KIAA0825: variants seen among roughly 807,000 people sequenced by gnomAD.
The protein encoded by KIAA0825 is uncharacterized protein KIAA0825.
In KIAA0825, 119 loss-of-function variants were observed where a neutral mutation model predicts 147.6. The observed-to-expected ratio is 0.81, with a 90% CI of 0.69 to 0.94. The LOEUF is 0.94. Ranked by LOEUF, KIAA0825 falls within the 40% of genes least tolerant of loss-of-function variation. The pLI is 0.00. For missense variants in KIAA0825, 1,381 were observed against 1,472.7 expected (o/e 0.94, Z 1.02); for synonymous variants, 470 against 518.1 (o/e 0.91, Z 1.26).
At chr5:94,472,055 G>A (rs1281751351) in intron 8 of KIAA0825, among the ~76,000 whole-genome samples, 1 of 152,036 alleles carries the variant, frequency 6.6e-6, no homozygotes, top group Non-Finnish European at 1.5e-5. Context: ...CCTTGATATT[G>A]TATAATATCA....
intron 3 of KIAA0825, among the ~76,000 whole-genome samples, chr5:94,535,442 G>A (rs868068414): frequency 4.0e-5 from 6 of 149,208 alleles, no homozygotes; most frequent in Admixed American, 1.3e-4. Context: ...CCAGGCAGGC[G>A]GAGGTTGCAG....
At chr5:94,193,209 T>G (rs978930033) in intron 20 of KIAA0825, among the ~76,000 whole-genome samples, 6 of 152,148 alleles carry the variant, frequency 3.9e-5, no homozygotes, top group Non-Finnish European at 8.8e-5. Context: ...GCACCTACCA[T>G]GAGGGCGTGC....
intron 20 of KIAA0825, among the ~76,000 whole-genome samples, chr5:94,184,336 C>T (rs570353847): frequency 1.3e-5 from 2 of 152,064 alleles, no homozygotes; most frequent in Admixed American, 1.3e-4. Flanking sequence ...TATTATTATC[C>T]CCATTTTTAC....
chr5:94,493,558 G>A (rs1321921114), intron 5 of KIAA0825, among the ~76,000 whole-genome samples: 1 of 152,122 alleles, frequency 6.6e-6, no homozygotes, highest in East Asian at 1.9e-4. Flanking sequence ...CGCAATCTCA[G>A]CTCACTGCAA....
intron 2 of KIAA0825, chr5:94,570,316 T>A (rs1223597165): frequency 6.5e-6 from 1 of 153,774 alleles, no homozygotes; most frequent in Admixed American, 6.5e-5. Flanking sequence ...ACACCCTGAC[T>A]AACCCCCTAA....
At chr5:94,564,891 CTCTTT>C (rs1054873093) in intron 2 of KIAA0825, among the ~76,000 whole-genome samples, 11 of 151,980 alleles carry the variant, frequency 7.2e-5, no homozygotes, top group South Asian at 4.2e-4. Flanking sequence ...CTTTTATTTT[CTCTTT>C]TCTTTTCTTT....
chr5:94,449,378 G>C (rs536259221), intron 13 of KIAA0825, among the ~76,000 whole-genome samples: 1 of 152,238 alleles, frequency 6.6e-6, no homozygotes, highest in East Asian at 1.9e-4. Flanking sequence ...AATGGACTAA[G>C]GTTGTTATAA....
intron 20 of KIAA0825, among the ~76,000 whole-genome samples, chr5:94,378,674 A>G (rs1038545660): frequency 1.4e-4 from 22 of 152,256 alleles, no homozygotes; most frequent in African/African-American, 4.8e-4. Flanking sequence ...TCTTTGAGAA[A>G]GTGCTACACT....
rs1583869238 is a variant in KIAA0825, at chr5:94,213,577, A to G, written c.3711-59453T>C. Among the ~76,000 whole-genome samples, 5 of 152,132 alleles carry G rather than the reference A, an allele frequency of 3.3e-5. No individual in the cohort carries two copies. The South Asian group carries it at 1.0e-3, about 32-fold the overall frequency. On this transcript the variant is annotated intron_variant, in intron 20 of 20. Transcript: ENST00000682413. Reference sequence around the variant, plus strand: ...GAACAGCCCACAAAAGGCCTTTATGATGGGACCCAGACTCTCATCTTTTAT... The same window carrying G: ...GAACAGCCCACAAAAGGCCTTTATGGTGGGACCCAGACTCTCATCTTTTAT...
intron 20 of KIAA0825, among the ~76,000 whole-genome samples, chr5:94,315,005 G>T (rs534382519): frequency 5.3e-5 from 8 of 151,512 alleles, no homozygotes; most frequent in African/African-American, 1.7e-4. Flanking sequence ...CAGACAAATA[G>T]GACTGTTGCC....
rs1010402319 is a variant in KIAA0825, at chr5:94,564,046, A to G, written c.-2+18387T>C. On this transcript the variant is annotated intron_variant, in intron 2 of 20. Coordinates refer to ENST00000682413, the MANE Select transcript of KIAA0825 (RefSeq NM_001145678.3). ...CTAAAGTTATCAGAACCTCAAAATT[A>G]TCTGATGTCAGTCTTCCCTCCAACC... Among the ~76,000 whole-genome samples the G allele has an allele frequency of 1.1e-4, 17 of 152,134 alleles. No homozygotes were observed. In the East Asian group the frequency reaches 1.4e-3, roughly 12 times the overall value.
At chr5:94,317,683 T>C (rs1423569471) in intron 20 of KIAA0825, among the ~76,000 whole-genome samples, 5 of 151,878 alleles carry the variant, frequency 3.3e-5, no homozygotes, top group African/African-American at 9.7e-5. Flanking sequence ...AACGTCTTAA[T>C]CTATGAAACA....
chr5:94,572,536 T>A (rs550352211), intron 2 of KIAA0825, among the ~76,000 whole-genome samples: 1 of 152,322 alleles, frequency 6.6e-6, no homozygotes, highest in South Asian at 2.1e-4. Context: ...TATTTATATA[T>A]AACTGTTAAA....
chr5:94,556,939 A>G (rs1200101814), intron 2 of KIAA0825, among the ~76,000 whole-genome samples: 1 of 152,148 alleles, frequency 6.6e-6, no homozygotes, highest in Non-Finnish European at 1.5e-5. Flanking sequence ...TGCACTATTC[A>G]GTACTGACAG....
intron 12 of KIAA0825, among the ~76,000 whole-genome samples, chr5:94,458,078 G>A (rs1291030127): frequency 1.3e-5 from 2 of 152,268 alleles, no homozygotes; most frequent in Admixed American, 6.5e-5. Flanking sequence ...GAACCTTTCT[G>A]ATGGCCCTAG....
intron 20 of KIAA0825, among the ~76,000 whole-genome samples, chr5:94,343,423 G>A (rs1782644922): frequency 6.6e-6 from 1 of 152,152 alleles, no homozygotes; most frequent in Non-Finnish European, 1.5e-5. Flanking sequence ...AGGTGTGGTG[G>A]CTCACACCTG....
chr5:94,159,348 G>T (rs1767333347), intron 20 of KIAA0825, among the ~76,000 whole-genome samples: 1 of 152,046 alleles, frequency 6.6e-6, no homozygotes, highest in Non-Finnish European at 1.5e-5. Context: ...CAACATAGGG[G>T]GTGCTAGTGG....
intron 20 of KIAA0825, among the ~76,000 whole-genome samples, chr5:94,298,098 T>G (rs2150175986): frequency 6.6e-6 from 1 of 151,386 alleles, no homozygotes; most frequent in African/African-American, 2.4e-5. Flanking sequence ...TACAAAAAAG[T>G]TAGCCAGGTG....
intron 16 of KIAA0825, among the ~76,000 whole-genome samples, chr5:94,399,083 G>A (rs1562458976): frequency 6.6e-6 from 1 of 152,122 alleles, no homozygotes; most frequent in African/African-American, 2.4e-5. Flanking sequence ...CATTAAATAA[G>A]ATCATAAATA....
Sources: gnomAD v4.1 joint callset for allele counts (sites outside exome capture counted in the v4.1 genomes callset) on GRCh38, gnomAD v4.1.1 for gene constraint, MANE v1.5 for transcripts, NCBI Gene and HGNC (gene_info 2026-07-23, HGNC 2026-07-21) for gene names.